COX7A2L: variants seen among roughly 807,000 people sequenced by gnomAD.
COX7A2L encodes cytochrome c oxidase subunit 7A2-like, mitochondrial.
Under a neutral mutation model 14.2 loss-of-function variants are expected in COX7A2L, and 18 were observed. That is an observed-to-expected ratio of 1.27 (90% CI 0.88 to 1.88). COX7A2L has a LOEUF of 1.88. COX7A2L is among the 40% of genes most tolerant of loss of function. The pLI is 0.00. For missense variants in COX7A2L, 179 were observed against 138.8 expected (o/e 1.29, Z -1.46); for synonymous variants, 65 against 57.4 (o/e 1.13, Z -0.60).
chr2:42,361,190 G>C lies in COX7A2L; in HGVS notation c.-29C>G, dbSNP rs751249198. 1.3e-6 allele frequency: 2 copies of C among 1,577,912 alleles called. No individual in the cohort carries two copies. Among genetic ancestry groups the C allele is most frequent in the Non-Finnish European group, 8.6e-7 (1 of 1,158,560 alleles). On this transcript the variant is annotated 5_prime_UTR_variant, in exon 1 of 3. Transcript: ENST00000234301. Reference sequence around the variant, plus strand: ...GCCCAGAGTCCGGCTTCCCGCATCCGCTGCCAACGCGACCGCCCCAGAGAA... The same window carrying C: ...GCCCAGAGTCCGGCTTCCCGCATCCCCTGCCAACGCGACCGCCCCAGAGAA...
intron 1 of COX7A2L, among the ~76,000 whole-genome samples, chr2:42,354,042 C>G (rs542901386): frequency 1.3e-5 from 2 of 152,150 alleles, no homozygotes; most frequent in East Asian, 3.9e-4. Context: ...AAGAGGGAAC[C>G]GCAGAGACAG....
In COX7A2L at chr2:42,338,563, GAGA is replaced by G. The variant is rs949849226; in HGVS notation, c.193-4697_193-4695del. 7.2e-5 allele frequency among the ~76,000 whole-genome samples: 11 copies of G among 152,132 alleles called. No homozygotes were observed. The highest frequency in any genetic ancestry group is 2.7e-4 in the African/African-American group (11 of 41,420). ...TTTGCCAGGCTTGGACATTTCCATG[GAGA>G]AGATGATTAATTATGAACCAAGAAT... On this transcript the variant is annotated intron_variant, in intron 2 of 2. Transcript: ENST00000468711. This position sits in a 1 kb window ranked among gnomAD's most constrained non-coding sequence, Gnocchi z 4.4.
chr2:42,360,747 T>C (rs1447350812), intron 1 of COX7A2L, among the ~76,000 whole-genome samples: 1 of 151,928 alleles, frequency 6.6e-6, no homozygotes, highest in Non-Finnish European at 1.5e-5. Context: ...AAGCCAGATG[T>C]CTTCGAATTG....
In COX7A2L at chr2:42,339,569, T is replaced by G. The variant is rs769016020; in HGVS notation, c.193-5700A>C. ...TCCTCCTGGTTTCTTTCTTCCCTTC[T>G]GCCCTTCCTCCCTCCCTTTATCCCT... On this transcript the variant is annotated intron_variant, in intron 2 of 2. Transcript: ENST00000468711. This position sits in a 1 kb window ranked among gnomAD's most constrained non-coding sequence, Gnocchi z 5.4. Among the ~76,000 whole-genome samples, 1 of 152,182 alleles carries G rather than the reference T, an allele frequency of 6.6e-6. No individual in the cohort carries two copies. The highest frequency in any genetic ancestry group is 1.5e-5 in the Non-Finnish European group (1 of 68,018).
upstream of COX7A2L, among the ~76,000 whole-genome samples, chr2:42,362,086 C>G (rs1671070480): frequency 6.6e-6 from 1 of 152,142 alleles, no homozygotes; most frequent in Non-Finnish European, 1.5e-5. Flanking sequence ...TCATCCTTTT[C>G]CTGGCCTCTG....
In COX7A2L at chr2:42,342,390, C is replaced by T. The variant is rs969669515; in HGVS notation, c.193-8521G>A. On this transcript the variant is annotated intron_variant, in intron 2 of 2. Coordinates refer to the COX7A2L transcript ENST00000468711. The surrounding 1 kb of genome is among the most constrained non-coding windows in gnomAD (Gnocchi z 4.9). ...CCCCAATTTCTGCACCCACTTATTC[C>T]TTGGCCCTTCAGGCAGGCACCAGGT... Among the ~76,000 whole-genome samples the T allele has an allele frequency of 6.6e-6, 1 of 152,130 alleles. No homozygotes were observed. The highest frequency in any genetic ancestry group is 2.1e-4 in the South Asian group (1 of 4,830).
upstream of COX7A2L, among the ~76,000 whole-genome samples, chr2:42,363,267 A>G (rs974400227): frequency 2.6e-5 from 4 of 152,234 alleles, no homozygotes; most frequent in African/African-American, 9.6e-5. Context: ...CATTGACATT[A>G]GCCTTCTTGA....
upstream of COX7A2L, chr2:42,361,716 T>A (rs3806584): frequency 0.14 from 20,810 of 152,712 alleles, 1,494 homozygotes; most frequent in Middle Eastern, 0.21. Context: ...TCTCTTGCTT[T>A]ACCGAACTTT....
chr2:42,351,802 T>G (rs1226577720), intron 2 of COX7A2L, among the ~76,000 whole-genome samples: 2 of 152,122 alleles, frequency 1.3e-5, no homozygotes, highest in Non-Finnish European at 2.9e-5. Context: ...GGCAAAACCC[T>G]GTCTCTACAG....
intron 1 of COX7A2L, among the ~76,000 whole-genome samples, chr2:42,367,768 A>G (rs539119458): frequency 6.6e-6 from 1 of 152,350 alleles, no homozygotes; most frequent in African/African-American, 2.4e-5. Flanking sequence ...GGTTTCCAGC[A>G]AAAGACTTAT....
chr2:42,344,051 A>G (rs1358850134), intron 2 of COX7A2L, among the ~76,000 whole-genome samples: 1 of 152,252 alleles, frequency 6.6e-6, no homozygotes, highest in East Asian at 1.9e-4. Context: ...AGTGTAAAGT[A>G]GCCATTTTCA....
intron 2 of COX7A2L, among the ~76,000 whole-genome samples, chr2:42,335,806 T>G (rs955628836): frequency 1.3e-5 from 2 of 152,220 alleles, no homozygotes; most frequent in Non-Finnish European, 2.9e-5. Context: ...GTAGAAGAAC[T>G]TAAGACTGGC....
In COX7A2L at chr2:42,349,706, T is replaced by G. The variant is rs773437733; in HGVS notation, c.*1513A>C. ...ATCTGAAAGTAAACTATGTATTAGA[T>G]GGTAGTATTGTTATAAATGTTAACT... On this transcript the variant is annotated 3_prime_UTR_variant, in exon 3 of 3. Coordinates refer to ENST00000234301, the MANE Select transcript of COX7A2L (RefSeq NM_004718.4). The G allele has an allele frequency of 6.6e-6, 1 of 152,218 alleles. No individual in the cohort carries two copies. Among genetic ancestry groups the G allele is most frequent in the Non-Finnish European group, 1.5e-5 (1 of 68,034 alleles). The allele number at this position is 152,218 out of a possible 1,614,324, so 9.4% of individuals were successfully genotyped here. A position where few individuals can be genotyped will look rare whatever the true frequency, so the allele number is the denominator to read the frequency against.
rs1245430963 is a variant in COX7A2L, at chr2:42,339,216, AAC to A, written c.193-5349_193-5348del. Among the ~76,000 whole-genome samples, 1 of 152,194 alleles carries A rather than the reference AAC, an allele frequency of 6.6e-6. No homozygotes were observed. The highest frequency in any genetic ancestry group is 1.5e-5 in the Non-Finnish European group (1 of 68,026). ...TTTTTATTAACCATTATCAAGTTTA[AAC>A]ACAAGGATTTGCCAGGGAGGGCACT... On this transcript the variant is annotated intron_variant, in intron 2 of 2. Coordinates refer to the COX7A2L transcript ENST00000468711. The surrounding 1 kb of genome is among the most constrained non-coding windows in gnomAD (Gnocchi z 5.4).
In COX7A2L at chr2:42,351,272, T is replaced by C; in HGVS notation, c.292A>G (p.Thr98Ala). Residue 98 changes from threonine (T) to alanine (A), a missense_variant, in exon 3 of 3, where the codon ACC becomes GCC. Coordinates refer to ENST00000234301, the MANE Select transcript of COX7A2L (RefSeq NM_004718.4). ...RTTMALTVGG[T>A]IYCLIALYMA... ...TAGAGGGCGATCAGGCAGTAGATGG[T>C]CCCTCCCACAGTCAGCGCCATGGTG... 1.2e-6 allele frequency: 2 copies of C among 1,614,174 alleles called. No individual in the cohort carries two copies. The highest frequency in any genetic ancestry group is 1.1e-5 in the South Asian group (1 of 91,076).
chr2:42,337,089 A>G (rs144102657), intron 2 of COX7A2L, among the ~76,000 whole-genome samples: 80 of 152,324 alleles, frequency 5.3e-4, no homozygotes, highest in African/African-American at 1.9e-3. Flanking sequence ...ATGGATGTAC[A>G]AAGTAAATGT....
intron 2 of COX7A2L, among the ~76,000 whole-genome samples, chr2:42,352,404 T>C (rs565860927): frequency 1.3e-5 from 2 of 152,244 alleles, no homozygotes; most frequent in African/African-American, 4.8e-5. Context: ...TACCTTGGCC[T>C]CCCAAAGTGT....
upstream of COX7A2L, among the ~76,000 whole-genome samples, chr2:42,364,250 C>CAAAAAA (rs35151680): frequency 1.4e-3 from 122 of 85,408 alleles, 2 homozygotes; most frequent in African/African-American, 4.4e-3. Context: ...GACTCCGTCT[C>CAAAAAA]AAAAAAAAAA....
chr2:42,348,898 C>T (rs889594910), downstream of COX7A2L, among the ~76,000 whole-genome samples: 2 of 151,338 alleles, frequency 1.3e-5, no homozygotes, highest in Admixed American at 1.3e-4. Context: ...AGCCTGGAGA[C>T]AGAGCAAGAC....
Sources: allele counts gnomAD v4.1 joint callset (sites outside exome capture counted in the v4.1 genomes callset), GRCh38; gene constraint gnomAD v4.1.1; non-coding constraint Gnocchi (gnomAD v3.1); transcripts MANE v1.5; gene names NCBI Gene and HGNC (gene_info 2026-07-23, HGNC 2026-07-21).